PTPRJ: variants seen among roughly 807,000 people sequenced by gnomAD.
The protein encoded by PTPRJ is protein tyrosine phosphatase receptor type J.
In PTPRJ, 129 loss-of-function variants were observed where a neutral mutation model predicts 141.3. The ratio of observed to expected loss-of-function variants is 0.91; its 90% CI spans 0.79 to 1.06. The LOEUF (loss-of-function observed/expected upper bound fraction) is 1.06, where lower values mean the gene tolerates loss of function less well. Among genes scored for constraint, PTPRJ ranks in the 50% least tolerant of loss-of-function variants. The pLI is 0.00. For synonymous variants in PTPRJ, 610 were observed against 640.5 expected, an observed-to-expected ratio of 0.95 and a Z score of 0.72; for missense variants, 1,601 against 1,679.7, an observed-to-expected ratio of 0.95 and a Z score of 0.82.
chr11:48,046,912 ATT>A (rs1217187387), intron 1 of PTPRJ, among the ~76,000 whole-genome samples: 2,134 of 73,648 alleles, frequency 0.029, 51 homozygotes, highest in African/African-American at 0.12. Context: ...ATATATATAT[ATT>A]TTTTTTTTTT....
At chr11:48,073,149 C>T (rs1855304196) in intron 1 of PTPRJ, among the ~76,000 whole-genome samples, 1 of 152,200 alleles carries the variant, frequency 6.6e-6, no homozygotes. Flanking sequence ...TCTGGGCTCA[C>T]ACACAGGGAG....
In PTPRJ at chr11:48,158,074, C is replaced by T. The variant is rs1435505073; in HGVS notation, c.3439-1856C>T. Among the ~76,000 whole-genome samples, 1 of 152,170 alleles carries T rather than the reference C, an allele frequency of 6.6e-6. No individual in the cohort carries two copies. The highest frequency in any genetic ancestry group is 2.4e-5 in the African/African-American group (1 of 41,450). On this transcript the variant is annotated intron_variant, in intron 21 of 24. Coordinates refer to ENST00000418331, the MANE Select transcript of PTPRJ (RefSeq NM_002843.4). This position sits in a 1 kb window ranked among gnomAD's most constrained non-coding sequence, Gnocchi z 4.4. The stretch of plus-strand genomic sequence containing the variant: ...GGCTGAGGCAGGAGAATGGCCTGAA[C>T]CCAGGAGGCGGAGGTTGCAGTGAGC...
At chr11:48,072,361 C>T (rs1305955779) in intron 1 of PTPRJ, among the ~76,000 whole-genome samples, 2 of 152,150 alleles carry the variant, frequency 1.3e-5, no homozygotes, top group South Asian at 4.2e-4. Context: ...TGAACTTGCC[C>T]TTTTATAATG....
At chr11:47,986,648 C>T (rs1854058119) in intron 1 of PTPRJ, among the ~76,000 whole-genome samples, 1 of 152,128 alleles carries the variant, frequency 6.6e-6, no homozygotes, top group African/African-American at 2.4e-5. Context: ...TCCTGAGTAG[C>T]TGGGACTACA....
rs1854651730 is a variant in PTPRJ, at chr11:48,007,364, CT to C, written c.96+26357del. On this transcript the variant is annotated intron_variant, in intron 1 of 24. Transcript: ENST00000418331. Reference sequence around the variant, plus strand: ...GACGTCGTGATCCGCCCACCTCGGCCTCCCAAAGTGCTGGGATTACAGGCAT... The same window carrying C: ...GACGTCGTGATCCGCCCACCTCGGCCCCCAAAGTGCTGGGATTACAGGCAT... Among the ~76,000 whole-genome samples, 7 of 151,964 alleles carry C rather than the reference CT, an allele frequency of 4.6e-5. No homozygotes were observed. In the South Asian group the frequency reaches 1.2e-3, roughly 27 times the overall value.
chr11:47,983,660 A>G (rs1853972279), intron 1 of PTPRJ, among the ~76,000 whole-genome samples: 1 of 152,218 alleles, frequency 6.6e-6, no homozygotes, highest in South Asian at 2.1e-4. Flanking sequence ...TCCCATTCTC[A>G]TAGCAGTTTT....
intron 3 of PTPRJ, among the ~76,000 whole-genome samples, chr11:48,114,814 G>T (rs1856525467): frequency 6.6e-6 from 1 of 152,096 alleles, no homozygotes; most frequent in South Asian, 2.1e-4. Flanking sequence ...TACAGATAAA[G>T]AATTCAAAGA....
At chr11:47,996,415 T>C (rs1854339103) in intron 1 of PTPRJ, among the ~76,000 whole-genome samples, 1 of 151,654 alleles carries the variant, frequency 6.6e-6, no homozygotes, top group Non-Finnish European at 1.5e-5. Context: ...TCCAGTTCCA[T>C]GCTCTTCCCT....
chr11:48,138,562 A>G (rs1288528518), intron 10 of PTPRJ, among the ~76,000 whole-genome samples: 2 of 152,208 alleles, frequency 1.3e-5, no homozygotes, highest in Non-Finnish European at 2.9e-5. Flanking sequence ...TTCTATTTAC[A>G]TCAGTTTGAT....
chr11:48,024,779 G>A (rs1853759318), intron 1 of PTPRJ, among the ~76,000 whole-genome samples: 1 of 152,224 alleles, frequency 6.6e-6, no homozygotes, highest in East Asian at 1.9e-4. Flanking sequence ...ATTCTGAGTG[G>A]CATCTGCGCC....
chr11:48,113,010 T>G (rs1311081917), intron 3 of PTPRJ, 27 bp downstream of exon 3: 1 of 1,546,144 alleles, frequency 6.5e-7, no homozygotes, highest in East Asian at 2.3e-5. Context: ...CTGCCAGTCA[T>G]GTTTCTTAAA....
chr11:48,063,103 G>A (rs2134262608), intron 1 of PTPRJ, among the ~76,000 whole-genome samples: 1 of 152,316 alleles, frequency 6.6e-6, no homozygotes, highest in African/African-American at 2.4e-5. Context: ...CGAGGTGGGT[G>A]GATCACCTGA....
At position 48,125,068 on chromosome 11, in the gene PTPRJ, C is replaced by T. The variant is rs1856802620; in HGVS notation, c.975C>T (p.Ser325=). Residue 325 remains serine (S), a synonymous_variant, in exon 6 of 25, where the codon TCC becomes TCT. Coordinates refer to ENST00000418331, the MANE Select transcript of PTPRJ (RefSeq NM_002843.4). ...GPVDPSSGQQ[S]RDTEVLLVGL... The stretch of plus-strand genomic sequence containing the variant: ...TGGACCCATCCTCCGGCCAGCAGTC[C>T]CGAGACACGGAAGTCCTGCTTGTCG... 1.2e-6 allele frequency: 2 copies of T among 1,614,082 alleles called. No homozygotes were observed. The highest frequency in any genetic ancestry group is 1.7e-6 in the Non-Finnish European group (2 of 1,180,016).
intron 1 of PTPRJ, among the ~76,000 whole-genome samples, chr11:48,108,279 T>C (rs1459133632): frequency 1.3e-5 from 2 of 152,176 alleles, no homozygotes; most frequent in African/African-American, 4.8e-5. Context: ...AAATAGATCA[T>C]TTAACTTAAT....
chr11:47,984,779 G>A (rs567135827), intron 1 of PTPRJ, among the ~76,000 whole-genome samples: 2 of 151,930 alleles, frequency 1.3e-5, no homozygotes, highest in African/African-American at 4.8e-5. Context: ...GGCTGGTCTT[G>A]AACTCCTGAC....
intron 3 of PTPRJ, among the ~76,000 whole-genome samples, chr11:48,117,481 C>T (rs1856596499): frequency 8.1e-6 from 1 of 123,208 alleles, no homozygotes. Context: ...GCAGAGATTG[C>T]AGTGAGCCGA....
intron 1 of PTPRJ, among the ~76,000 whole-genome samples, chr11:48,071,902 A>ATTTTTTTT (rs35087042): frequency 2.4e-5 from 2 of 82,552 alleles, no homozygotes; most frequent in Non-Finnish European, 4.3e-5. Flanking sequence ...ACGCCTGGCC[A>ATTTTTTTT]TTTTTTTTTT....
At chr11:48,053,182 T>A (rs7113246) in intron 1 of PTPRJ, among the ~76,000 whole-genome samples, 5,786 of 103,602 alleles carry the variant, frequency 0.056, 146 homozygotes, top group Middle Eastern at 0.073. Context: ...AATATATAAA[T>A]ATATATAAAA....
rs1856760064 is a variant in PTPRJ, at chr11:48,123,606, A to T, written c.617-7A>T. 1 of 1,610,058 alleles carries T rather than the reference A, an allele frequency of 6.2e-7. No homozygotes were observed. Among genetic ancestry groups the T allele is most frequent in the South Asian group, 1.1e-5 (1 of 90,758 alleles). On this transcript the variant is annotated splice_polypyrimidine_tract_variant and splice_region_variant and intron_variant, in intron 4 of 24. Transcript: ENST00000418331. ...TTCCATTAATGCATGTTGTATTTTT[A>T]AAATAGAGCCGATCCCAGTTTCTGA...
Sources: gnomAD v4.1 joint callset for allele counts (sites outside exome capture counted in the v4.1 genomes callset) on GRCh38, gnomAD v4.1.1 for gene constraint, Gnocchi (gnomAD v3.1) non-coding constraint, MANE v1.5 for transcripts, NCBI Gene and HGNC (gene_info 2026-07-23, HGNC 2026-07-21) for gene names.